Variants in QTGAL observed in about 807,000 individuals in gnomAD.
The protein encoded by QTGAL is queuosine-tRNA galactosyltransferase.
At chr17:83,017,479 C>T in the QTGAL span, among the ~76,000 whole-genome samples, 3 of 151,944 alleles carry the variant, frequency 2.0e-5, no homozygotes, top group Non-Finnish European at 4.4e-5. Flanking sequence ...AAAAATTCAC[C>T]GAGTATGGTG....
At chr17:83,014,437 A>C in the QTGAL span, 3 of 1,612,704 alleles carry the variant, frequency 1.9e-6, no homozygotes, top group Non-Finnish European at 8.5e-7. Flanking sequence ...AACGACACTA[A>C]GGAGGCCAGT....
chr17:82,968,644 C>T, the QTGAL span, among the ~76,000 whole-genome samples: 23 of 152,302 alleles, frequency 1.5e-4, no homozygotes, highest in East Asian at 1.4e-3. Context: ...GGACAGACGT[C>T]GCATCTGTGG....
At chr17:82,994,696 C>T in the QTGAL span, among the ~76,000 whole-genome samples, 1 of 152,106 alleles carries the variant, frequency 6.6e-6, no homozygotes, top group African/African-American at 2.4e-5. Context: ...ACTCACTCTA[C>T]AAGACCAATT....
At chr17:82,980,929 G>A in the QTGAL span, among the ~76,000 whole-genome samples, 5 of 152,152 alleles carry the variant, frequency 3.3e-5, no homozygotes, top group Non-Finnish European at 7.3e-5. Context: ...CTGGCAACCA[G>A]CCCCCCTCAT....
chr17:83,037,319 C>T, the QTGAL span, among the ~76,000 whole-genome samples: 1 of 152,220 alleles, frequency 6.6e-6, no homozygotes, highest in Non-Finnish European at 1.5e-5. The surrounding 1 kb of genome is among the most constrained non-coding windows in gnomAD (Gnocchi z 5.2). Context: ...ACCGCACAGC[C>T]GCACAGAAGC....
the QTGAL span, among the ~76,000 whole-genome samples, chr17:83,029,647 G>T: frequency 6.6e-6 from 1 of 152,224 alleles, no homozygotes; most frequent in African/African-American, 2.4e-5. Context: ...AGAATTCGCA[G>T]ATTGGCTATG....
chr17:83,006,694 G>C, the QTGAL span: 1 of 985,498 alleles, frequency 1.0e-6, no homozygotes, highest in Non-Finnish European at 1.2e-6. This position sits in a 1 kb window ranked among gnomAD's most constrained non-coding sequence, Gnocchi z 5.8. Flanking sequence ...GCAGGAGGCG[G>C]CCTTCTGTGC....
At chr17:82,953,771 TC>T in the QTGAL span, among the ~76,000 whole-genome samples, 1 of 152,172 alleles carries the variant, frequency 6.6e-6, no homozygotes, top group African/African-American at 2.4e-5. Flanking sequence ...GCAAACTGAA[TC>T]CAGCAGCACA....
the QTGAL span, chr17:82,942,440 CTT>C: frequency 5.6e-6 from 9 of 1,613,628 alleles, no homozygotes; most frequent in Non-Finnish European, 5.9e-6. Flanking sequence ...TGTCTTGTCT[CTT>C]CTTCAGCCTG....
At chr17:82,969,728 G>A in the QTGAL span, among the ~76,000 whole-genome samples, 24,781 of 152,130 alleles carry the variant, frequency 0.16, 2,532 homozygotes, top group Admixed American at 0.23. Flanking sequence ...TACCCAGGCT[G>A]GAATGCAGTG....
At chr17:82,945,957 A>C in the QTGAL span, 1 of 152,252 alleles carries the variant, frequency 6.6e-6, no homozygotes, top group Admixed American at 6.5e-5. Context: ...AGCACGTAGA[A>C]TTGCTTAAAA....
At chr17:82,948,303 G>A in the QTGAL span, 1 of 152,254 alleles carries the variant, frequency 6.6e-6, no homozygotes, top group Non-Finnish European at 1.5e-5. Flanking sequence ...TGGGCCCTCT[G>A]GCTCTGGGCA....
At chr17:83,005,276 G>T in the QTGAL span, 1 of 1,280,796 alleles carries the variant, frequency 7.8e-7, no homozygotes, top group Non-Finnish European at 1.1e-6. This position sits in a 1 kb window ranked among gnomAD's most constrained non-coding sequence, Gnocchi z 5.6. Context: ...GTGCACACCT[G>T]TGTGTATTCA....
the QTGAL span, chr17:83,006,737 C>CA: frequency 1.0e-6 from 1 of 985,512 alleles, no homozygotes; most frequent in Non-Finnish European, 1.2e-6. This position sits in a 1 kb window ranked among gnomAD's most constrained non-coding sequence, Gnocchi z 5.8. Context: ...GCTCCCAGGA[C>CA]AGGCTTCCAG....
chr17:83,035,858 GA>G, the QTGAL span, among the ~76,000 whole-genome samples: 1 of 148,562 alleles, frequency 6.7e-6, no homozygotes. Flanking sequence ...TAGACCCTCG[GA>G]GGGCGGTTTG....
the QTGAL span, among the ~76,000 whole-genome samples, chr17:82,952,229 C>T: frequency 6.6e-6 from 1 of 152,266 alleles, no homozygotes. Flanking sequence ...CTCACGGCTT[C>T]TGCGGGGCAG....
the QTGAL span, among the ~76,000 whole-genome samples, chr17:82,983,416 C>T: frequency 2.6e-5 from 4 of 152,264 alleles, no homozygotes; most frequent in Admixed American, 2.0e-4. Flanking sequence ...ATGCACACTT[C>T]GCCAGAAGCC....
chr17:83,044,719 G>A, the QTGAL span, among the ~76,000 whole-genome samples: 2 of 152,298 alleles, frequency 1.3e-5, no homozygotes, highest in East Asian at 1.9e-4. Context: ...CAAGGCAGGC[G>A]GATCACCTGA....
At chr17:83,005,668 G>A in the QTGAL span, 19 of 703,488 alleles carry the variant, frequency 2.7e-5, no homozygotes, top group African/African-American at 2.4e-4. This position sits in a 1 kb window ranked among gnomAD's most constrained non-coding sequence, Gnocchi z 5.6. Flanking sequence ...GGAAAGCAGC[G>A]TCCCTAAGTG....
Sources: gnomAD v4.1 joint callset for allele counts (sites outside exome capture counted in the v4.1 genomes callset) on GRCh38, gnomAD v4.1.1 for gene constraint, Gnocchi (gnomAD v3.1) non-coding constraint, MANE v1.5 for transcripts, NCBI Gene and HGNC (gene_info 2026-07-23, HGNC 2026-07-21) for gene names.